Variants in RNF115 observed in about 807,000 individuals in gnomAD.
The protein encoded by RNF115 is E3 ubiquitin-protein ligase RNF115.
A neutral mutation model predicts 39.2 loss-of-function variants in RNF115; 31 were observed. The ratio of observed to expected loss-of-function variants is 0.79; its 90% CI spans 0.59 to 1.07. The LOEUF (loss-of-function observed/expected upper bound fraction) is 1.07. Ranked by LOEUF, RNF115 falls within the 50% of genes least tolerant of loss-of-function variation. The probability of loss-of-function intolerance (pLI) is 0.00; values close to 1 mark genes in which losing one functional copy is unlikely to be tolerated. For missense variants in RNF115, 384 were observed against 381.7 expected, an observed-to-expected ratio of 1.01 and a Z score of -0.05; for synonymous variants, 124 against 131.0, an observed-to-expected ratio of 0.95 and a Z score of 0.37.
chr1:145,752,583 C>T (rs1195795533), intron 5 of RNF115, among the ~76,000 whole-genome samples: 3 of 60,432 alleles, frequency 5.0e-5, no homozygotes, highest in Non-Finnish European at 7.8e-5. Flanking sequence ...ACCTATGCAG[C>T]TCTTTTTTTT....
chr1:145,790,801 T>C (rs917833053), intron 1 of RNF115, among the ~76,000 whole-genome samples: 1 of 152,128 alleles, frequency 6.6e-6, no homozygotes, highest in Non-Finnish European at 1.5e-5. Context: ...CTCCACTATA[T>C]ACATATCAAC....
intron 4 of RNF115, among the ~76,000 whole-genome samples, 197 bp from the exon 5 acceptor site, chr1:145,753,246 C>T (rs1559104089): frequency 6.6e-6 from 1 of 152,166 alleles, no homozygotes; most frequent in Non-Finnish European, 1.5e-5. Context: ...TTCCTGAGCT[C>T]TGCTATCTTA....
Position 145,787,584 on chromosome 1 carries a change from A to G in RNF115, c.161+1324T>C, listed in dbSNP as rs1553718280. ...GAGACTCCGTCACAAAAAAAAAAAA[A>G]AAAAAAAGAAAAAGATTTTAGGTTG... is the stretch of plus-strand genomic sequence containing the variant. On this transcript the variant is annotated intron_variant, in intron 2 of 8. Transcript: ENST00000582693. 1.5e-4 allele frequency among the ~76,000 whole-genome samples: 23 copies of G among 151,410 alleles called. No homozygotes were observed. In the South Asian group the frequency reaches 4.8e-3, roughly 32 times the overall value.
At chr1:145,748,259 G>C (rs1322534214) in intron 7 of RNF115, 149 bp from the exon 8 acceptor site, 1 of 597,114 alleles carries the variant, frequency 1.7e-6, no homozygotes, top group Non-Finnish European at 3.0e-6. Context: ...GCAGCTAAGA[G>C]GCATGACTTG....
At chr1:145,822,339 A>G (rs587700780) in intron 1 of RNF115, among the ~76,000 whole-genome samples, 11 of 150,314 alleles carry the variant, frequency 7.3e-5, no homozygotes, top group African/African-American at 2.2e-4. Flanking sequence ...AAAAAGAAAA[A>G]CAGCTAAGTA....
chr1:145,823,748 G>C (rs782005724), intron 1 of RNF115, 24 bp downstream of exon 1: 1 of 1,505,686 alleles, frequency 6.6e-7, no homozygotes, highest in African/African-American at 1.4e-5. Flanking sequence ...AGGTTCCCAA[G>C]TATAGAGAAC....
intron 3 of RNF115, among the ~76,000 whole-genome samples, chr1:145,783,159 G>T (rs1175330778): frequency 2.6e-5 from 4 of 152,116 alleles, no homozygotes; most frequent in Non-Finnish European, 5.9e-5. Context: ...CACTGTGCCT[G>T]GCCCAGAACA....
At chr1:145,773,287 T>C (rs1419243097) in intron 3 of RNF115, 1 of 152,040 alleles carries the variant, frequency 6.6e-6, no homozygotes, top group Non-Finnish European at 1.5e-5. Context: ...TCGTAATTTT[T>C]TTTAAAAAAA....
chr1:145,777,186 C>T (rs1207352560), intron 3 of RNF115, among the ~76,000 whole-genome samples: 5 of 152,166 alleles, frequency 3.3e-5, no homozygotes, highest in South Asian at 4.1e-4. Context: ...CATTTGCTCA[C>T]AGAAGACAAC....
intron 4 of RNF115, among the ~76,000 whole-genome samples, chr1:145,766,596 C>CGGACGGG (rs1647288297): frequency 6.7e-6 from 1 of 149,660 alleles, no homozygotes; most frequent in African/African-American, 2.5e-5. Flanking sequence ...CCTCACCTCC[C>CGGACGGG]GGACGGGGCG....
At chr1:145,766,273 T>G (rs1459133682) in intron 4 of RNF115, among the ~76,000 whole-genome samples, 1 of 152,110 alleles carries the variant, frequency 6.6e-6, no homozygotes, top group Non-Finnish European at 1.5e-5. Context: ...TAACCCTGAG[T>G]GGACACAGCA....
chr1:145,790,988 A>C (rs1478175364), intron 1 of RNF115, among the ~76,000 whole-genome samples: 1 of 151,932 alleles, frequency 6.6e-6, no homozygotes, highest in African/African-American at 2.4e-5. Context: ...CTAAAAATGT[A>C]AAATTAGCTG....
chr1:145,795,147 G>A (rs928089584), intron 1 of RNF115, among the ~76,000 whole-genome samples: 7 of 151,644 alleles, frequency 4.6e-5, no homozygotes, highest in Non-Finnish European at 8.8e-5. Context: ...GCAGACCTTC[G>A]CAGGGAGTGT....
chr1:145,781,395 T>C (rs1553717378), intron 3 of RNF115, among the ~76,000 whole-genome samples: 1 of 152,180 alleles, frequency 6.6e-6, no homozygotes, highest in East Asian at 1.9e-4. Context: ...TATAATTTTA[T>C]TTCTAAGTTT....
intron 1 of RNF115, among the ~76,000 whole-genome samples, chr1:145,819,641 C>G (rs1437283900): frequency 6.6e-6 from 1 of 152,076 alleles, no homozygotes; most frequent in African/African-American, 2.4e-5. Context: ...CAAAACCTGG[C>G]AAAGACACAA....
chr1:145,750,381 C>A (rs1553712302), intron 7 of RNF115, 26 bp downstream of exon 7: 2 of 1,535,336 alleles, frequency 1.3e-6, no homozygotes, highest in South Asian at 2.3e-5. Context: ...CAGAAGATGA[C>A]AGAATAAGTA....
intron 1 of RNF115, among the ~76,000 whole-genome samples, chr1:145,800,905 C>T (rs1204429543): frequency 1.3e-5 from 2 of 152,206 alleles, no homozygotes; most frequent in African/African-American, 2.4e-5. Context: ...CGCAGTGGCT[C>T]ATGCCTGTAA....
At chr1:145,786,189 T>C (rs782650009) in intron 2 of RNF115, among the ~76,000 whole-genome samples, 1 of 152,248 alleles carries the variant, frequency 6.6e-6, no homozygotes, top group African/African-American at 2.4e-5. Context: ...ACCACCACAT[T>C]GTTCTGAGAA....
At chr1:145,791,837 A>G (rs1553719047) in intron 1 of RNF115, among the ~76,000 whole-genome samples, 1 of 152,176 alleles carries the variant, frequency 6.6e-6, no homozygotes, top group Non-Finnish European at 1.5e-5. Context: ...AATAGACCTG[A>G]GAAACACATT....
Sources: allele counts gnomAD v4.1 joint callset (sites outside exome capture counted in the v4.1 genomes callset), GRCh38; gene constraint gnomAD v4.1.1; transcripts MANE v1.5; gene names NCBI Gene and HGNC (gene_info 2026-07-23, HGNC 2026-07-21).